Variants in SMG1 observed in about 807,000 individuals in gnomAD.
The protein encoded by SMG1 is SMG1 nonsense mediated mRNA decay associated PI3K related kinase.
SMG1 carries 22 observed loss-of-function variants against 419.9 expected under a neutral mutation model. That is an observed-to-expected ratio of 0.05 (90% CI 0.04 to 0.07). The LOEUF is 0.07. SMG1 is among the 10% of genes least tolerant of loss of function. The pLI is 1.00. For synonymous variants in SMG1, 1,538 were observed against 1,553.5 expected (o/e 0.99, Z 0.23); for missense variants, 3,185 against 4,342.0 (o/e 0.73, Z 7.49).
At chr16:18,910,232 A>ATT (rs34246490) in intron 1 of SMG1, among the ~76,000 whole-genome samples, 18,846 of 136,426 alleles carry the variant, frequency 0.14, 1,473 homozygotes, top group African/African-American at 0.21. Context: ...ATGCCCAGCT[A>ATT]TTTTTTTTTT....
Position 18,838,588 on chromosome 16 carries a change from T to C in SMG1, c.7047A>G (p.Glu2349=). The change falls in exon 43 of 63, where the codon GAA becomes GAG. Residue 2349 remains glutamate (E), a synonymous_variant. Coordinates refer to ENST00000446231, the MANE Select transcript of SMG1 (RefSeq NM_015092.5). Reference sequence around the variant, plus strand: ...AAACATTGTAATCTATGTGAACAACTTCTCCAGTCGTCATATCTATAAGAA... The same window carrying C: ...AAACATTGTAATCTATGTGAACAACCTCTCCAGTCGTCATATCTATAAGAA... ...DNVLIDMTTG[E]VVHIDYNVCF... 1.2e-6 allele frequency: 2 copies of C among 1,613,630 alleles called. No individual in the cohort carries two copies. Among genetic ancestry groups the C allele is most frequent in the Non-Finnish European group, 1.7e-6 (2 of 1,179,516 alleles).
intron 6 of SMG1, among the ~76,000 whole-genome samples, chr16:18,888,354 T>G (rs1260123269): frequency 6.6e-6 from 1 of 151,060 alleles, no homozygotes; most frequent in Admixed American, 6.6e-5. Flanking sequence ...TGTCTCCCTC[T>G]ACAAATGTGA....
intron 1 of SMG1, among the ~76,000 whole-genome samples, chr16:18,910,004 A>G (rs548595527): frequency 7.6e-6 from 1 of 132,370 alleles, no homozygotes; most frequent in East Asian, 1.9e-4. Context: ...CTTTTACAAG[A>G]AAAAAAAAAC....
At chr16:18,877,885 G>A (rs2141675294) in intron 11 of SMG1, 1 of 152,200 alleles carries the variant, frequency 6.6e-6, no homozygotes, top group Admixed American at 6.5e-5. Flanking sequence ...GTGTAATTCT[G>A]GCAGAAATGC....
At chr16:18,869,428 T>C (rs992838179) in intron 19 of SMG1, 125 bp from the exon 20 acceptor site, 2 of 775,842 alleles carry the variant, frequency 2.6e-6, no homozygotes, top group Non-Finnish European at 4.1e-6. Flanking sequence ...GCAAAACCTA[T>C]GAAATTGAGA....
chr16:18,921,169 A>G (rs2038184883), intron 1 of SMG1, among the ~76,000 whole-genome samples: 1 of 147,322 alleles, frequency 6.8e-6, no homozygotes, highest in Admixed American at 6.8e-5. Flanking sequence ...AGAGAGAGAG[A>G]GGAAAAATAA....
rs1596477436 is a variant in SMG1 at position 18,829,669 on chromosome 16, T to C, written c.9220A>G (p.Ser3074Gly). ...ATAGGTTTGGCCATTTGGTCTTCACTGAAACAAGAGTTTCTAAAAAGGGTT... is the reference window on the plus strand; with the variant it reads ...ATAGGTTTGGCCATTTGGTCTTCACCGAAACAAGAGTTTCTAAAAAGGGTT... ...VKTLFRNSCFSEDQMAKPIKA... is the reference protein window; with the variant it reads ...VKTLFRNSCFGEDQMAKPIKA... The change falls in exon 54 of 63, where the codon AGT (serine) becomes GGT (glycine). Residue 3074 changes from serine to glycine, a missense_variant. This residue lies in a region of SMG1 where 737 missense variants were observed against 846.6 expected (regional missense o/e 0.87). Coordinates refer to ENST00000446231, the MANE Select transcript of SMG1 (RefSeq NM_015092.5). 2 of 1,614,018 alleles carry C rather than the reference T, an allele frequency of 1.2e-6. No homozygotes were observed. Among genetic ancestry groups the C allele is most frequent in the Middle Eastern group, 1.6e-4 (1 of 6,062 alleles).
Position 18,845,654 on chromosome 16 carries a change from G to A in SMG1, c.5997-3C>T. ...TCATGATTGCAATTTTCTCTTCTCT[G>A]ACCAAGAAGACATTTTTATTCAAAA... On this transcript the variant is annotated splice_polypyrimidine_tract_variant and splice_region_variant and intron_variant, in intron 38 of 62. Transcript: ENST00000446231. 1 of 1,597,894 alleles carries A rather than the reference G, an allele frequency of 6.3e-7. No individual in the cohort carries two copies. The highest frequency in any genetic ancestry group is 8.5e-7 in the Non-Finnish European group (1 of 1,172,626).
chr16:18,901,140 T>A (rs1484895206), intron 1 of SMG1, among the ~76,000 whole-genome samples: 1 of 152,214 alleles, frequency 6.6e-6, no homozygotes, highest in Non-Finnish European at 1.5e-5. Context: ...AATATTAAAT[T>A]AATATAATTT....
At position 18,866,766 on chromosome 16, in the gene SMG1, A is replaced by G; in HGVS notation, c.3205T>C (p.Leu1069=). Residue 1069 remains leucine, a synonymous_variant, in exon 23 of 63, where the codon TTG becomes CTG. Transcript: ENST00000446231. ...KTTSLSQGNE[L]EVTIMMVVEA... ...ACCACCATCATAATGGTTACTTCCA[A>G]TTCATTCCCCTGAAAACGCATTCAG... 1 of 1,597,226 alleles carries G rather than the reference A, an allele frequency of 6.3e-7. No individual in the cohort carries two copies. The highest frequency in any genetic ancestry group is 8.5e-7 in the Non-Finnish European group (1 of 1,179,482).
At chr16:18,868,156 A>T (rs766614427) in intron 22 of SMG1, 34 bp downstream of exon 22, 2 of 1,553,724 alleles carry the variant, frequency 1.3e-6, no homozygotes, top group Admixed American at 3.7e-5. Context: ...TCTTATTAAC[A>T]GACTTAAAAT....
At chr16:18,830,154 C>G in intron 52 of SMG1, 39 bp from the exon 53 acceptor site, 1 of 1,605,222 alleles carries the variant, frequency 6.2e-7, no homozygotes, top group Non-Finnish European at 8.5e-7. Flanking sequence ...TTTCTCCACT[C>G]TTGACACAAC....
At chr16:18,872,856 T>G (rs1286196205) in intron 13 of SMG1, among the ~76,000 whole-genome samples, 2 of 152,106 alleles carry the variant, frequency 1.3e-5, no homozygotes, top group African/African-American at 4.8e-5. Flanking sequence ...ATCGCTACAG[T>G]AAGAAAACAG....
At chr16:18,874,603 C>T (rs2036003377) in intron 13 of SMG1, among the ~76,000 whole-genome samples, 2 of 146,574 alleles carry the variant, frequency 1.4e-5, no homozygotes, top group South Asian at 2.1e-4. Flanking sequence ...CGGTGGCTCA[C>T]GCCTGTAATT....
intron 18 of SMG1, 53 bp from the exon 19 acceptor site, chr16:18,870,047 G>T: frequency 5.7e-6 from 7 of 1,230,432 alleles, no homozygotes; most frequent in Non-Finnish European, 7.9e-6. Flanking sequence ...TAAAAGGTTA[G>T]CACATACTGT....
intron 6 of SMG1, among the ~76,000 whole-genome samples, chr16:18,888,344 T>C (rs2036728512): frequency 6.6e-6 from 1 of 151,156 alleles, no homozygotes; most frequent in Non-Finnish European, 1.5e-5. Context: ...ATTTAGTTCT[T>C]GTCTCCCTCT....
Position 18,854,746 on chromosome 16 carries a change from G to A in SMG1, c.4393C>T (p.His1465Tyr), listed in dbSNP as rs2034803838. Residue 1465 changes from histidine to tyrosine, a missense_variant, in exon 30 of 63, where the codon CAT becomes TAT. By Grantham distance (83) the His-to-Tyr change is moderately conservative. This residue lies in a region of SMG1 where 493 missense variants were observed against 552.9 expected (regional missense o/e 0.89). Coordinates refer to ENST00000446231, the MANE Select transcript of SMG1 (RefSeq NM_015092.5). ...CCTTGGGTTGATAGTTTTTTAAAAT[G>A]TTGGACTAAATCCTGTGCAGTGGTG... ...KTTTAQDLVQHFKKLSTQGQV... is the reference protein window; with the variant it reads ...KTTTAQDLVQYFKKLSTQGQV... The A allele has an allele frequency of 3.1e-6, 5 of 1,613,844 alleles. No individual in the cohort carries two copies. The Admixed American group carries it at 5.0e-5, about 16-fold the overall frequency.
At chr16:18,839,554 TAATATTAAACTCAAATATAC>T in intron 42 of SMG1, 124 bp downstream of exon 42, 1 of 1,038,414 alleles carries the variant, frequency 9.6e-7, no homozygotes. Context: ...TTTATAACTG[TAATATTAAACTCAAATATAC>T]GTCTCAAACT....
At position 18,892,429 on chromosome 16, in the gene SMG1, A is replaced by C. The variant is rs147482535; in HGVS notation, c.413-75T>G. ...ATATTTTTAAATTTTTCAAATTAAA[A>C]ATTATTTAAATAATAACTAAATTAT... On this transcript the variant is annotated intron_variant, in intron 3 of 62. Coordinates refer to ENST00000446231, the MANE Select transcript of SMG1 (RefSeq NM_015092.5). 1,077 of 1,178,902 alleles carry C rather than the reference A, an allele frequency of 9.1e-4. 10 individuals are homozygous for C. The African/African-American group carries it at 0.015, about 16-fold the overall frequency. The allele number at this position is 1,178,902 out of a possible 1,614,324, so 73.0% of individuals were successfully genotyped here. A position where few individuals can be genotyped will look rare whatever the true frequency, so the allele number is the denominator to read the frequency against.
Sources: allele counts gnomAD v4.1 joint callset (sites outside exome capture counted in the v4.1 genomes callset), GRCh38; gene constraint gnomAD v4.1.1; regional missense constraint gnomAD v4.1.1; transcripts MANE v1.5; gene names NCBI Gene and HGNC (gene_info 2026-07-23, HGNC 2026-07-21).